The following CERS3 variants were observed in gnomAD, a reference collection of about 807,000 sequenced individuals.
CERS3 encodes LAG1 homolog, ceramide synthase 3.
CERS3 carries 33 observed loss-of-function variants against 50.3 expected under a neutral mutation model. That is an observed-to-expected ratio of 0.66 (90% CI 0.50 to 0.88). The LOEUF (loss-of-function observed/expected upper bound fraction) is 0.88. CERS3 is among the 40% of genes least tolerant of loss of function. The pLI is 0.00. For missense variants in CERS3, 470 were observed against 460.3 expected (o/e 1.02, Z -0.19); for synonymous variants, 176 against 155.2 (o/e 1.13, Z -0.99).
intron 9 of CERS3, 30 bp from the exon 10 acceptor site, chr15:100,469,514 G>C: frequency 7.0e-7 from 1 of 1,421,166 alleles, no homozygotes; most frequent in Non-Finnish European, 9.9e-7. Flanking sequence ...TGCAGATAAA[G>C]TGACAATAGC....
At chr15:100,413,562 T>TATAC (rs1567592752) in intron 11 of CERS3, among the ~76,000 whole-genome samples, 19 of 140,614 alleles carry the variant, frequency 1.4e-4, no homozygotes, top group African/African-American at 4.2e-4. Context: ...CTATACTATA[T>TATAC]GCTCAATCTT....
intron 11 of CERS3, among the ~76,000 whole-genome samples, chr15:100,442,922 A>G (rs939839091): frequency 8.6e-5 from 13 of 151,706 alleles, no homozygotes; most frequent in African/African-American, 3.1e-4. Flanking sequence ...CCTTGCCTCC[A>G]TAACTGTTGT....
intron 3 of CERS3, 66 bp downstream of exon 3, chr15:100,501,611 G>T (rs2035999768): frequency 7.4e-7 from 1 of 1,360,302 alleles, no homozygotes; most frequent in Non-Finnish European, 1.0e-6. Context: ...CTAAGCCTAA[G>T]ACTGTATTAT....
chr15:100,475,493 G>A (rs1252078909), intron 8 of CERS3, among the ~76,000 whole-genome samples: 1 of 152,168 alleles, frequency 6.6e-6, no homozygotes, highest in African/African-American at 2.4e-5. Flanking sequence ...TTGCATTCAG[G>A]ATTTAACATG....
Position 100,441,283 on chromosome 15 carries a change from C to T in CERS3, c.999+14610G>A, listed in dbSNP as rs149731434. Among the ~76,000 whole-genome samples, 947 of 149,132 alleles carry T rather than the reference C, an allele frequency of 6.4e-3. 10 individuals are homozygous for T. The highest frequency in any genetic ancestry group is 0.022 in the African/African-American group (868 of 40,264). On this transcript the variant is annotated intron_variant, in intron 11 of 11. Transcript: ENST00000679737. ...TCCATGCCCCAACCCCTTATCTCTGCGCCCTGATCCCTTATTTCTGCACCC... is the reference window on the plus strand; with the variant it reads ...TCCATGCCCCAACCCCTTATCTCTGTGCCCTGATCCCTTATTTCTGCACCC...
At chr15:100,441,278 C>G (rs982537165) in intron 11 of CERS3, among the ~76,000 whole-genome samples, 2 of 148,186 alleles carry the variant, frequency 1.3e-5, no homozygotes, top group Non-Finnish European at 3.0e-5. Flanking sequence ...AACCCCTTAT[C>G]TCTGCGCCCT....
chr15:100,521,925 A>G (rs1386638121), intron 1 of CERS3, among the ~76,000 whole-genome samples, 169 bp from the exon 2 acceptor site: 3 of 152,172 alleles, frequency 2.0e-5, no homozygotes, highest in Non-Finnish European at 4.4e-5. Context: ...ATGGGGCTTT[A>G]AAACAATTTG....
chr15:100,425,479 A>AC (rs77248578), intron 11 of CERS3, among the ~76,000 whole-genome samples: 55,480 of 151,398 alleles, frequency 0.37, 10,600 homozygotes, highest in East Asian at 0.55. Flanking sequence ...AGATTTAATG[A>AC]CCCCCTGCTG....
intron 1 of CERS3, 40 bp from the exon 2 acceptor site, chr15:100,521,796 C>A (rs2036647278): frequency 6.6e-6 from 1 of 152,130 alleles, no homozygotes; most frequent in African/African-American, 2.4e-5. Context: ...TAATATATTA[C>A]ACAACTGTGC....
At chr15:100,489,006 A>C (rs2035571360) in intron 4 of CERS3, among the ~76,000 whole-genome samples, 1 of 151,992 alleles carries the variant, frequency 6.6e-6, no homozygotes, top group African/African-American at 2.4e-5. Flanking sequence ...CGATCTCCAG[A>C]CCTCGTGATC....
intron 10 of CERS3, among the ~76,000 whole-genome samples, chr15:100,456,644 T>C (rs1348672019): frequency 1.3e-5 from 2 of 152,190 alleles, no homozygotes; most frequent in Non-Finnish European, 2.9e-5. Context: ...GCACAGTGTC[T>C]TCAGATATTA....
chr15:100,460,691 G>A (rs778314591), intron 10 of CERS3, among the ~76,000 whole-genome samples: 4 of 152,144 alleles, frequency 2.6e-5, no homozygotes, highest in Admixed American at 6.5e-5. Flanking sequence ...CCGTGGCCAG[G>A]ACACCTTCAC....
intron 1 of CERS3, among the ~76,000 whole-genome samples, chr15:100,524,880 GAA>G (rs1163998585): frequency 6.6e-6 from 1 of 152,070 alleles, no homozygotes; most frequent in Non-Finnish European, 1.5e-5. Context: ...GTCTGGCAAA[GAA>G]ATCAAAATAA....
intron 11 of CERS3, among the ~76,000 whole-genome samples, chr15:100,429,317 C>T (rs2654607): frequency 0.27 from 41,169 of 152,026 alleles, 5,791 homozygotes; most frequent in East Asian, 0.42. Flanking sequence ...GGTCACAGTC[C>T]AGGAGGGAAA....
At chr15:100,506,477 A>G (rs866338378) in intron 2 of CERS3, among the ~76,000 whole-genome samples, 5 of 26,384 alleles carry the variant, frequency 1.9e-4, no homozygotes, top group East Asian at 1.7e-3. Flanking sequence ...CCGCCGCCCC[A>G]CACACACACA....
chr15:100,450,082 G>T (rs559603939), intron 11 of CERS3, among the ~76,000 whole-genome samples: 80 of 109,692 alleles, frequency 7.3e-4, no homozygotes, highest in African/African-American at 2.0e-3. Context: ...TGGAAGTAAA[G>T]AATTCATTTG....
At chr15:100,543,458 T>G (rs2142445811) in intron 1 of CERS3, among the ~76,000 whole-genome samples, 1 of 152,060 alleles carries the variant, frequency 6.6e-6, no homozygotes, top group South Asian at 2.1e-4. Context: ...GATTCAGTCC[T>G]CTGAACTATG....
At chr15:100,452,444 T>A (rs983899636) in intron 11 of CERS3, among the ~76,000 whole-genome samples, 3 of 152,082 alleles carry the variant, frequency 2.0e-5, no homozygotes, top group Non-Finnish European at 2.9e-5. Flanking sequence ...AATCAAAACA[T>A]TTCTTGAAAC....
intron 11 of CERS3, among the ~76,000 whole-genome samples, chr15:100,418,059 C>T (rs2032101696): frequency 6.6e-6 from 1 of 152,026 alleles, no homozygotes; most frequent in African/African-American, 2.4e-5. Context: ...TCCTCACCAG[C>T]AACGGAACAA....
Sources: gnomAD v4.1 joint callset for allele counts (sites outside exome capture counted in the v4.1 genomes callset) on GRCh38, gnomAD v4.1.1 for gene constraint, MANE v1.5 for transcripts, NCBI Gene and HGNC (gene_info 2026-07-23, HGNC 2026-07-21) for gene names.